EXT2: variants seen among roughly 807,000 people sequenced by gnomAD.
EXT2 encodes the protein exostosin glycosyltransferase 2, also known as exostosin-2.
In EXT2, 53 loss-of-function variants were observed where a neutral mutation model predicts 81.6. The ratio of observed to expected loss-of-function variants is 0.65; its 90% CI spans 0.52 to 0.82. EXT2 has a LOEUF of 0.82. EXT2 is among the 40% of genes least tolerant of loss of function. The probability of loss-of-function intolerance (pLI) is 0.00; values close to 1 mark genes in which losing one functional copy is unlikely to be tolerated. For missense variants in EXT2, 774 were observed against 910.2 expected, an observed-to-expected ratio of 0.85 and a Z score of 1.93; for synonymous variants, 320 against 340.0, an observed-to-expected ratio of 0.94 and a Z score of 0.65.
At chr11:44,166,474 C>T (rs1166972001) in intron 7 of EXT2, among the ~76,000 whole-genome samples, 1 of 152,196 alleles carries the variant, frequency 6.6e-6, no homozygotes, top group Admixed American at 6.5e-5. Flanking sequence ...AAGTCAGATA[C>T]CCTTGAAAGC....
At chr11:44,195,716 C>T (rs927896542) in intron 8 of EXT2, among the ~76,000 whole-genome samples, 1 of 152,092 alleles carries the variant, frequency 6.6e-6, no homozygotes, top group African/African-American at 2.4e-5. Flanking sequence ...TTGGCAATCC[C>T]AGAGTATAAA....
intron 10 of EXT2, among the ~76,000 whole-genome samples, chr11:44,209,024 T>C (rs888471140): frequency 6.6e-6 from 1 of 152,232 alleles, no homozygotes; most frequent in African/African-American, 2.4e-5. Flanking sequence ...CGTGCCCAAA[T>C]TCCTGCTCTA....
At chr11:44,216,067 G>A (rs1955715410) in intron 10 of EXT2, among the ~76,000 whole-genome samples, 2 of 151,794 alleles carry the variant, frequency 1.3e-5, no homozygotes, top group East Asian at 1.9e-4. Flanking sequence ...TAGTAGAGAC[G>A]GGGTTTCACC....
At chr11:44,233,085 TATA>T (rs1025820839) in intron 11 of EXT2, among the ~76,000 whole-genome samples, 1 of 152,198 alleles carries the variant, frequency 6.6e-6, no homozygotes, top group African/African-American at 2.4e-5. Flanking sequence ...ATAGAATTAT[TATA>T]TCAAAGGGCA....
At position 44,126,798 on chromosome 11, in the gene EXT2, C is replaced by G. The variant is rs375536301; in HGVS notation, c.940-18C>G. 1.6e-4 allele frequency: 266 copies of G among 1,614,116 alleles called. 1 individual carries two copies. In the South Asian group the frequency reaches 2.1e-3, roughly 13 times the overall value. On this transcript the variant is annotated intron_variant, in intron 5 of 13. Coordinates refer to ENST00000533608, the MANE Select transcript of EXT2 (RefSeq NM_207122.2). ...GCAAAACTAGTTTGTAATCTCTTGCCTCTTTGTGTTCCTGCAGGAGGCTAC... is the reference window on the plus strand; with the variant it reads ...GCAAAACTAGTTTGTAATCTCTTGCGTCTTTGTGTTCCTGCAGGAGGCTAC...
Position 44,244,424 on chromosome 11 carries a change from C to T in EXT2, c.*137C>T, listed in dbSNP as rs2135284712. ...TGGATCTTGGCATGCACCCACCTAA[C>T]CCACTTTCTCAAGAACAAGAACCTA... On this transcript the variant is annotated 3_prime_UTR_variant, in exon 14 of 14. Transcript: ENST00000533608. The T allele has an allele frequency of 1.2e-6, 1 of 839,468 alleles. No individual in the cohort carries two copies. The highest frequency in any genetic ancestry group is 2.0e-6 in the Non-Finnish European group (1 of 511,848). 52.0% of individuals were successfully genotyped at this position (839,468 alleles called of 1,614,324 possible).
intron 1 of EXT2, among the ~76,000 whole-genome samples, chr11:44,101,168 A>G (rs559204572): frequency 2.0e-5 from 3 of 152,320 alleles, no homozygotes; most frequent in South Asian, 2.1e-4. Context: ...TTGGTGGACT[A>G]TAAAGCTGGA....
At chr11:44,171,021 A>G (rs1316795245) in intron 7 of EXT2, among the ~76,000 whole-genome samples, 5 of 152,252 alleles carry the variant, frequency 3.3e-5, no homozygotes, top group Non-Finnish European at 7.3e-5. Flanking sequence ...CCTTGATACC[A>G]TAACCTGACT....
At position 44,250,129 on chromosome 11, in the gene EXT2, G is replaced by C. The variant is rs567231979; in HGVS notation, c.*5842G>C. Reference sequence around the variant, plus strand: ...GTAGGCCCAAGAGATATAGCAATTAGAGTTGACTAAGACAGTGTCCCTATC... The same window carrying C: ...GTAGGCCCAAGAGATATAGCAATTACAGTTGACTAAGACAGTGTCCCTATC... On this transcript the variant is annotated 3_prime_UTR_variant, in exon 14 of 14. Transcript: ENST00000533608. 2.8e-4 allele frequency among the ~76,000 whole-genome samples: 43 copies of C among 152,334 alleles called. No homozygotes were observed. Among genetic ancestry groups the C allele is most frequent in the Non-Finnish European group, 5.9e-4 (40 of 68,034 alleles).
intron 10 of EXT2, among the ~76,000 whole-genome samples, chr11:44,210,513 G>A (rs946571009): frequency 2.6e-5 from 4 of 152,192 alleles, no homozygotes; most frequent in African/African-American, 9.6e-5. Context: ...AGGCTGTAAA[G>A]GGCAGGAGGG....
At chr11:44,193,362 A>C (rs1374188276) in intron 8 of EXT2, among the ~76,000 whole-genome samples, 1 of 152,216 alleles carries the variant, frequency 6.6e-6, no homozygotes, top group Non-Finnish European at 1.5e-5. Flanking sequence ...CACAAGATCA[A>C]CCATTGGCTA....
In EXT2 at chr11:44,114,445, C is replaced by A. The variant is rs1335150150; in HGVS notation, c.743+144C>A. 5.2e-6 allele frequency: 4 copies of A among 776,670 alleles called. No homozygotes were observed. In the African/African-American group the frequency reaches 6.7e-5, roughly 13 times the overall value. 48.1% of individuals were successfully genotyped at this position (776,670 alleles called of 1,614,324 possible). ...GCACTGAGGCACCCATCTTTCCCAC[C>A]TCCATGCAGTCTCATTCATCTTGCA... On this transcript the variant is annotated intron_variant, in intron 4 of 13. Transcript: ENST00000533608.
chr11:44,241,616 G>A (rs1674963103), intron 13 of EXT2, among the ~76,000 whole-genome samples: 1 of 152,172 alleles, frequency 6.6e-6, no homozygotes, highest in African/African-American at 2.4e-5. Context: ...TTAAGTAATG[G>A]TATGTGTTTG....
chr11:44,191,979 A>G (rs1007692173), intron 8 of EXT2, among the ~76,000 whole-genome samples: 1 of 152,224 alleles, frequency 6.6e-6, no homozygotes, highest in African/African-American at 2.4e-5. Flanking sequence ...TAAAACAATG[A>G]CCAGGAAAAG....
chr11:44,102,566 G>A (rs1954001472), intron 1 of EXT2, among the ~76,000 whole-genome samples: 1 of 146,768 alleles, frequency 6.8e-6, no homozygotes, highest in Non-Finnish European at 1.5e-5. Context: ...GCACGGGGTC[G>A]GGGGTATGAG....
chr11:44,097,556 G>C (rs1435322052), intron 1 of EXT2, among the ~76,000 whole-genome samples: 1 of 152,078 alleles, frequency 6.6e-6, no homozygotes, highest in Non-Finnish European at 1.5e-5. Flanking sequence ...TTGGGAGGCC[G>C]AGGTGGGTGG....
At chr11:44,197,669 G>A (rs1034461551) in intron 8 of EXT2, among the ~76,000 whole-genome samples, 160 bp from the exon 9 acceptor site, 1 of 152,110 alleles carries the variant, frequency 6.6e-6, no homozygotes, top group South Asian at 2.1e-4. Flanking sequence ...ATTAGTCCAT[G>A]CAAATTTTGA....
At chr11:44,213,324 A>G (rs1392764837) in intron 10 of EXT2, among the ~76,000 whole-genome samples, 1 of 152,204 alleles carries the variant, frequency 6.6e-6, no homozygotes, top group Non-Finnish European at 1.5e-5. Flanking sequence ...AATACTCAGA[A>G]TGTTCCAAAA....
At chr11:44,242,091 C>T (rs1020646590) in intron 13 of EXT2, among the ~76,000 whole-genome samples, 5 of 152,200 alleles carry the variant, frequency 3.3e-5, no homozygotes, top group Non-Finnish European at 5.9e-5. Flanking sequence ...CCTCAATACT[C>T]TCTACAGGGC....
Sources: gnomAD v4.1 joint callset for allele counts (sites outside exome capture counted in the v4.1 genomes callset) on GRCh38, gnomAD v4.1.1 for gene constraint, MANE v1.5 for transcripts, NCBI Gene and HGNC (gene_info 2026-07-23, HGNC 2026-07-21) for gene names.